The following POGZ variants were observed in gnomAD, a reference collection of about 807,000 sequenced individuals.
The protein encoded by POGZ is pogo transposable element derived with ZNF domain.
Under a neutral mutation model 134.6 loss-of-function variants are expected in POGZ, and 17 were observed. That is an observed-to-expected ratio of 0.13 (90% CI 0.09 to 0.19). The LOEUF (loss-of-function observed/expected upper bound fraction) is 0.19, where lower values mean the gene tolerates loss of function less well. Among genes scored for constraint, POGZ ranks in the 10% least tolerant of loss-of-function variants. The pLI is 1.00. For missense variants in POGZ, 1,306 were observed against 1,769.7 expected (o/e 0.74, Z 4.70); for synonymous variants, 693 against 657.1 (o/e 1.05, Z -0.84).
chr1:151,438,302 A>C (rs1278741135), intron 3 of POGZ, among the ~76,000 whole-genome samples: 1 of 152,194 alleles, frequency 6.6e-6, no homozygotes, highest in Non-Finnish European at 1.5e-5. Context: ...AAGTAAAATA[A>C]ATTAGACAAC....
rs1212371839 is a variant in POGZ, at chr1:151,416,210, C to CAAAAAAAAAAAAAAA, written c.1679-3829_1679-3815dup. 3.0e-4 allele frequency among the ~76,000 whole-genome samples: 13 copies of CAAAAAAAAAAAAAAA among 42,744 alleles called. No individual in the cohort carries two copies. In the East Asian group the frequency reaches 3.1e-3, roughly 10 times the overall value. The allele number at this position is 42,744 out of a possible 152,430, so 28.0% of individuals were successfully genotyped here. ...GGGTGACAAGAGTGAAACTCCATCT[C>CAAAAAAAAAAAAAAA]AAAAAAAAAAAAAAAAAAAAAAAAA... On this transcript the variant is annotated intron_variant, in intron 10 of 18. Transcript: ENST00000271715.
At chr1:151,458,992 G>T (rs1663171363) in intron 1 of POGZ, among the ~76,000 whole-genome samples, 160 bp downstream of exon 1, 1 of 143,762 alleles carries the variant, frequency 7.0e-6, no homozygotes, top group South Asian at 2.1e-4. Flanking sequence ...CACTCGCGGT[G>T]GGCGGGGGCG....
At chr1:151,440,772 A>C in intron 3 of POGZ, 156 bp downstream of exon 3, 1 of 593,000 alleles carries the variant, frequency 1.7e-6, no homozygotes. Context: ...CCATCTACAG[A>C]AATCACTTCC....
intron 10 of POGZ, among the ~76,000 whole-genome samples, chr1:151,421,469 C>G (rs1438814830): frequency 2.0e-5 from 3 of 151,810 alleles, no homozygotes; most frequent in African/African-American, 7.3e-5. Context: ...TTACTGTAAG[C>G]CATTAATGTC....
intron 10 of POGZ, among the ~76,000 whole-genome samples, chr1:151,418,353 C>T (rs1286812734): frequency 6.6e-6 from 1 of 152,052 alleles, no homozygotes; most frequent in Non-Finnish European, 1.5e-5. Context: ...ACAAATATCA[C>T]ATGTTCCCAC....
At chr1:151,450,023 ATTTTTT>A (rs1171783071) in intron 1 of POGZ, among the ~76,000 whole-genome samples, 5 of 74,326 alleles carry the variant, frequency 6.7e-5, no homozygotes, top group African/African-American at 2.1e-4. Flanking sequence ...GTGAAACTTG[ATTTTTT>A]TTTTTTTTTT....
chr1:151,408,621 CT>C, intron 13 of POGZ, 40 bp from the exon 14 acceptor site: 2 of 1,605,116 alleles, frequency 1.2e-6, no homozygotes, highest in Non-Finnish European at 1.7e-6. Flanking sequence ...ATCACCCACA[CT>C]AAATTTCAGA....
intron 4 of POGZ, 51 bp from the exon 5 acceptor site, chr1:151,429,762 C>G: frequency 9.7e-7 from 1 of 1,028,552 alleles, no homozygotes; most frequent in Non-Finnish European, 1.5e-6. Context: ...TTAACACTGA[C>G]AAAGATTGCA....
Position 151,405,758 on chromosome 1 carries a change from G to A in POGZ, c.3277C>T (p.Leu1093=). Residue 1093 remains leucine, a synonymous_variant, in exon 19 of 19, where the codon CTA becomes TTA. Coordinates refer to ENST00000271715, the MANE Select transcript of POGZ (RefSeq NM_015100.4). The surrounding 1 kb of genome is among the most constrained non-coding windows in gnomAD (Gnocchi z 4.9). ...PHARRAVAHT[L]PKDVAENAGL... ...GCATTCTCTGCTACATCCTTAGGTAGGGTGTGGGCCACAGCTCGCCGGGCA... is the reference window on the plus strand; with the variant it reads ...GCATTCTCTGCTACATCCTTAGGTAAGGTGTGGGCCACAGCTCGCCGGGCA... 6.2e-7 allele frequency: 1 copy of A among 1,614,200 alleles called. No individual in the cohort carries two copies.
intron 10 of POGZ, among the ~76,000 whole-genome samples, chr1:151,420,070 C>T (rs1656625391): frequency 1.3e-5 from 2 of 151,810 alleles, no homozygotes; most frequent in African/African-American, 4.8e-5. Context: ...TGCCTACAGT[C>T]CCAGCTACTC....
At chr1:151,429,073 A>T (rs140109525) in intron 5 of POGZ, among the ~76,000 whole-genome samples, 293 of 152,166 alleles carry the variant, frequency 1.9e-3, no homozygotes, top group Admixed American at 2.6e-3. Context: ...CATGCTAAAT[A>T]GAGCAATGGA....
chr1:151,447,388 T>C (rs1363307124), intron 1 of POGZ, among the ~76,000 whole-genome samples: 1 of 152,000 alleles, frequency 6.6e-6, no homozygotes, highest in Non-Finnish European at 1.5e-5. Context: ...AAAAAAATTG[T>C]ATTACCATTA....
At chr1:151,458,244 C>T (rs894075323) in intron 1 of POGZ, among the ~76,000 whole-genome samples, 1 of 152,076 alleles carries the variant, frequency 6.6e-6, no homozygotes, top group South Asian at 2.1e-4. Context: ...AGATCAATGA[C>T]AGTACTCCTT....
chr1:151,442,083 G>T lies in POGZ; in HGVS notation c.122C>A (p.Thr41Lys). 1 of 1,591,514 alleles carries T rather than the reference G, an allele frequency of 6.3e-7. No individual in the cohort carries two copies. Among genetic ancestry groups the T allele is most frequent in the Non-Finnish European group, 8.6e-7 (1 of 1,160,824 alleles). The change falls in exon 2 of 19, where the codon ACA becomes AAA. Residue 41 changes from threonine (T) to lysine (K), a missense_variant and splice_region_variant. Thr to Lys is a moderately conservative substitution (Grantham distance 78). Transcript: ENST00000271715. ...EDYNSVDKTT[T>K]VSVSQQPVSA... ...AAGATCAGAAGAGCTTTTGTTACCTGTGGTAGTTTTATCCACTGAATTATA... is the reference window on the plus strand; with the variant it reads ...AAGATCAGAAGAGCTTTTGTTACCTTTGGTAGTTTTATCCACTGAATTATA...
intron 12 of POGZ, among the ~76,000 whole-genome samples, chr1:151,411,115 C>A (rs1218333955): frequency 6.6e-6 from 1 of 152,136 alleles, no homozygotes; most frequent in East Asian, 1.9e-4. Context: ...GGCTTAAAAC[C>A]CCTTTAGTGG....
chr1:151,454,340 A>G (rs1662511809), intron 1 of POGZ, among the ~76,000 whole-genome samples: 1 of 152,228 alleles, frequency 6.6e-6, no homozygotes, highest in Non-Finnish European at 1.5e-5. Context: ...CTAATACCAG[A>G]AAACCTATAG....
rs1027980262 is a variant in POGZ at position 151,406,768 on chromosome 1, C to T, written c.2546-137G>A. On this transcript the variant is annotated intron_variant, in intron 17 of 18. Transcript: ENST00000271715. Reference sequence around the variant, plus strand: ...AGCTTTCCCAGTTTTATATAAACTTCAGGTCGGAAGGTTTCTAATTAGGTC... The same window carrying T: ...AGCTTTCCCAGTTTTATATAAACTTTAGGTCGGAAGGTTTCTAATTAGGTC... The T allele has an allele frequency of 2.3e-5, 23 of 1,011,702 alleles. No homozygotes were observed. The African/African-American group carries it at 3.2e-4, about 14-fold the overall frequency. 62.7% of individuals were successfully genotyped at this position (1,011,702 alleles called of 1,614,324 possible). A position where few individuals can be genotyped will look rare whatever the true frequency, so the allele number is the denominator to read the frequency against.
intron 15 of POGZ, 84 bp from the exon 16 acceptor site, chr1:151,407,375 A>T: frequency 1.1e-6 from 1 of 884,426 alleles, no homozygotes; most frequent in Non-Finnish European, 1.8e-6. Context: ...TGCCCCCAAC[A>T]AAAGAGACAC....
At chr1:151,441,231 T>TCTC in intron 2 of POGZ, 145 bp from the exon 3 acceptor site, 1 of 587,652 alleles carries the variant, frequency 1.7e-6, no homozygotes, top group Non-Finnish European at 3.0e-6. Context: ...TCATGTGATT[T>TCTC]CTCCTCCTAC....
Sources: allele counts gnomAD v4.1 joint callset (sites outside exome capture counted in the v4.1 genomes callset), GRCh38; gene constraint gnomAD v4.1.1; non-coding constraint Gnocchi (gnomAD v3.1); transcripts MANE v1.5; gene names NCBI Gene and HGNC (gene_info 2026-07-23, HGNC 2026-07-21).